Variants in RRM1 observed in about 807,000 individuals in gnomAD.
RRM1 encodes the protein ribonucleotide reductase catalytic subunit M1, also known as ribonucleoside-diphosphate reductase large subunit.
A neutral mutation model predicts 101.5 loss-of-function variants in RRM1; 19 were observed. The observed-to-expected ratio is 0.19, with a 90% CI of 0.13 to 0.27. The LOEUF (loss-of-function observed/expected upper bound fraction) is 0.27, where lower values mean the gene tolerates loss of function less well. Ranked by LOEUF, RRM1 falls within the 10% of genes least tolerant of loss-of-function variation. The pLI, the probability that RRM1 is intolerant of heterozygous loss-of-function variation, is 1.00. For missense variants in RRM1, 500 were observed against 962.9 expected, an observed-to-expected ratio of 0.52 and a Z score of 6.36; for synonymous variants, 298 against 323.4, an observed-to-expected ratio of 0.92 and a Z score of 0.84.
In RRM1 at chr11:4,126,953, A is replaced by G. The variant is rs115776293; in HGVS notation, c.1471-82A>G. ...ATAAAATGGTTTGAGAAAAAGAGGT[A>G]GTCTGTCTCATTTGGTACAGAATGT... On this transcript the variant is annotated intron_variant, in intron 13 of 18. Transcript: ENST00000300738. The G allele has an allele frequency of 6.3e-4, 898 of 1,428,850 alleles. 6 individuals are homozygous for G. In the African/African-American group the frequency reaches 0.012, roughly 19 times the overall value. 88.5% of individuals were successfully genotyped at this position (1,428,850 alleles called of 1,614,324 possible). A position where few individuals can be genotyped will look rare whatever the true frequency, so the allele number is the denominator to read the frequency against.
In RRM1 at chr11:4,106,035, T is replaced by C; in HGVS notation, c.109-11T>C. On this transcript the variant is annotated splice_polypyrimidine_tract_variant and intron_variant, in intron 2 of 18. Coordinates refer to ENST00000300738, the MANE Select transcript of RRM1 (RefSeq NM_001033.5). Reference sequence around the variant, plus strand: ...GGAAAGCTCAAGTAATTCTTGGTTTTATTTTTGTAGGCTCAGATCACCATG... The same window carrying C: ...GGAAAGCTCAAGTAATTCTTGGTTTCATTTTTGTAGGCTCAGATCACCATG... The C allele has an allele frequency of 6.2e-7, 1 of 1,604,172 alleles. No individual in the cohort carries two copies. The highest frequency in any genetic ancestry group is 8.5e-7 in the Non-Finnish European group (1 of 1,177,272).
At chr11:4,115,170 A>G (rs537661949) in intron 7 of RRM1, among the ~76,000 whole-genome samples, 164 of 152,306 alleles carry the variant, frequency 1.1e-3, no homozygotes, top group African/African-American at 3.8e-3. Context: ...TGATTCTAAA[A>G]TTCATGTGAA....
At chr11:4,117,733 C>T (rs1451987056) in intron 7 of RRM1, among the ~76,000 whole-genome samples, 1 of 152,054 alleles carries the variant, frequency 6.6e-6, no homozygotes, top group Non-Finnish European at 1.5e-5. Flanking sequence ...TATATAAACA[C>T]CTAGTCAATA....
intron 1 of RRM1, among the ~76,000 whole-genome samples, chr11:4,097,167 T>G (rs2094544762): frequency 6.7e-6 from 1 of 148,876 alleles, no homozygotes; most frequent in African/African-American, 2.5e-5. Context: ...GCACCTGTAA[T>G]CCCAGCTACT....
At chr11:4,121,868 TGCCA>T in intron 10 of RRM1, 103 bp downstream of exon 10, 1 of 1,113,468 alleles carries the variant, frequency 9.0e-7, no homozygotes, top group Non-Finnish European at 1.3e-6. Flanking sequence ...ATGTGTGTGA[TGCCA>T]CAGAAGGCAT....
At chr11:4,126,956 C>T in intron 13 of RRM1, 79 bp from the exon 14 acceptor site, 1 of 1,438,828 alleles carries the variant, frequency 7.0e-7, no homozygotes, top group Non-Finnish European at 9.5e-7. Flanking sequence ...AAGAGGTAGT[C>T]TGTCTCATTT....
chr11:4,136,070 C>G (rs2094609165), intron 18 of RRM1, among the ~76,000 whole-genome samples: 1 of 151,824 alleles, frequency 6.6e-6, no homozygotes, highest in Admixed American at 6.6e-5. Flanking sequence ...AATGTTTGAC[C>G]TTTCCAAAGA....
chr11:4,119,608 A>G (rs2094578628), intron 8 of RRM1: 2 of 445,812 alleles, frequency 4.5e-6, no homozygotes, highest in Non-Finnish European at 8.0e-6. Context: ...TAATTGTTAC[A>G]TCTCATTATA....
At chr11:4,107,182 G>A (rs550473113) in intron 3 of RRM1, among the ~76,000 whole-genome samples, 2 of 152,176 alleles carry the variant, frequency 1.3e-5, no homozygotes, top group South Asian at 2.1e-4. Context: ...GTGAGCCACC[G>A]CGCCCGGCCC....
At chr11:4,137,409 AC>A (rs2094613386) in intron 18 of RRM1, 1 of 110,956 alleles carries the variant, frequency 9.0e-6, no homozygotes, top group Non-Finnish European at 1.8e-5. Context: ...CTGACCCCCC[AC>A]CTCCCTCCCG....
chr11:4,127,880 G>C (rs191895543), intron 14 of RRM1, among the ~76,000 whole-genome samples: 134 of 152,340 alleles, frequency 8.8e-4, no homozygotes, highest in Admixed American at 2.6e-3. Flanking sequence ...AGTTTCCACA[G>C]GTCAGGAGTC....
chr11:4,101,161 C>A (rs1319527202), intron 1 of RRM1, among the ~76,000 whole-genome samples: 1 of 151,916 alleles, frequency 6.6e-6, no homozygotes, highest in Non-Finnish European at 1.5e-5. Context: ...TCAGGGAAAG[C>A]CACATTGAGA....
At chr11:4,130,039 T>C (rs2094596452) in intron 15 of RRM1, among the ~76,000 whole-genome samples, 1 of 131,834 alleles carries the variant, frequency 7.6e-6, no homozygotes, top group Non-Finnish European at 1.6e-5. Context: ...GAAATTCAAC[T>C]TTTAAGAAAA....
intron 1 of RRM1, among the ~76,000 whole-genome samples, chr11:4,099,652 A>C (rs1206234301): frequency 6.6e-6 from 1 of 152,102 alleles, no homozygotes; most frequent in Non-Finnish European, 1.5e-5. Flanking sequence ...GAACAGTTGA[A>C]GAGATCTGGG....
At chr11:4,103,921 G>A in intron 2 of RRM1, among the ~76,000 whole-genome samples, 1 of 137,324 alleles carries the variant, frequency 7.3e-6, no homozygotes. Context: ...GAGCCACACT[G>A]TGCCTGCCCT....
At chr11:4,129,991 T>G (rs1316375351) in intron 15 of RRM1, among the ~76,000 whole-genome samples, 4 of 147,896 alleles carry the variant, frequency 2.7e-5, no homozygotes, top group Non-Finnish European at 6.0e-5. Flanking sequence ...ATCCTTTAGG[T>G]TTTCTTCCAA....
In RRM1 at chr11:4,132,427, C is replaced by T. The variant is rs1698438765; in HGVS notation, c.1905+6C>T. 1 of 1,613,860 alleles carries T rather than the reference C, an allele frequency of 6.2e-7. No individual in the cohort carries two copies. The highest frequency in any genetic ancestry group is 8.5e-7 in the Non-Finnish European group (1 of 1,179,910). ...TCTTGTCAGGAGAATTTCAGGTGAG[C>T]AGTTCACAACCAGCCTTACAGGGAG... On this transcript the variant is annotated splice_donor_region_variant and intron_variant, in intron 16 of 18. Coordinates refer to ENST00000300738, the MANE Select transcript of RRM1 (RefSeq NM_001033.5). The surrounding 1 kb of genome is among the most constrained non-coding windows in gnomAD (Gnocchi z 4.1).
chr11:4,123,047 T>C, intron 11 of RRM1, 136 bp from the exon 12 acceptor site: 5 of 717,036 alleles, frequency 7.0e-6, no homozygotes, highest in East Asian at 5.5e-5. Flanking sequence ...ATAAATATCA[T>C]ATTCCTTTTT....
chr11:4,095,104 G>GCCCGCCCGCCCGCCTTCGCTGCTTCCC, intron 1 of RRM1, 73 bp downstream of exon 1: 1 of 1,341,676 alleles, frequency 7.5e-7, no homozygotes, highest in Non-Finnish European at 1.0e-6. Context: ...CTGATGCCCA[G>GCCCGCCCGCCCGCCTTCGCTGCTTCCC]ACCGCCCGCC....
Sources: allele counts gnomAD v4.1 joint callset (sites outside exome capture counted in the v4.1 genomes callset), GRCh38; gene constraint gnomAD v4.1.1; non-coding constraint Gnocchi (gnomAD v3.1); transcripts MANE v1.5; gene names NCBI Gene and HGNC (gene_info 2026-07-23, HGNC 2026-07-21).